Variants in GALNT13 observed in about 807,000 individuals in gnomAD.
The protein encoded by GALNT13 is polypeptide N-acetylgalactosaminyltransferase 13, also known as UDP-GalNAc:polypeptide N-acetylgalactosaminyltransferase 13.
GALNT13 carries 28 observed loss-of-function variants against 64.2 expected under a neutral mutation model. That is an observed-to-expected ratio of 0.44 (90% CI 0.32 to 0.60). The LOEUF (loss-of-function observed/expected upper bound fraction) is 0.60, where lower values mean the gene tolerates loss of function less well. GALNT13 is among the 20% of genes least tolerant of loss of function. GALNT13 has a pLI of 0.05. For missense variants in GALNT13, 577 were observed against 669.8 expected (o/e 0.86, Z 1.53); for synonymous variants, 214 against 224.6 (o/e 0.95, Z 0.42).
chr2:154,286,240 G>T (rs1403355691), intron 8 of GALNT13, among the ~76,000 whole-genome samples: 1 of 152,162 alleles, frequency 6.6e-6, no homozygotes, highest in South Asian at 2.1e-4. Context: ...GGCAAGATTG[G>T]GCATTCTTGT....
chr2:154,257,858 C>T (rs1690465555), intron 7 of GALNT13: 1 of 152,152 alleles, frequency 6.6e-6, no homozygotes, highest in African/African-American at 2.4e-5. Context: ...TTAACAGCCT[C>T]ACAGACTACT....
rs1049265678 is a variant in GALNT13, at chr2:154,053,180, A to G, written c.143-87157A>G. The stretch of plus-strand genomic sequence containing the variant: ...CAAACAACTTTTGACTTGAAATATA[A>G]TAAGAAAGAACACTGAACTTGGAGG... On this transcript the variant is annotated intron_variant, in intron 3 of 12. Coordinates refer to ENST00000392825, the MANE Select transcript of GALNT13 (RefSeq NM_052917.4). 2.6e-5 allele frequency among the ~76,000 whole-genome samples: 4 copies of G among 152,338 alleles called. No individual in the cohort carries two copies. In the East Asian group the frequency reaches 5.8e-4, roughly 22 times the overall value.
chr2:153,712,130 A>AG, the GALNT13 span, among the ~76,000 whole-genome samples: 1 of 152,200 alleles, frequency 6.6e-6, no homozygotes, highest in African/African-American at 2.4e-5. Flanking sequence ...GTAACTAGTC[A>AG]TAAAATTCCT....
the GALNT13 span, among the ~76,000 whole-genome samples, chr2:153,623,038 G>A: frequency 6.6e-6 from 1 of 152,032 alleles, no homozygotes; most frequent in Non-Finnish European, 1.5e-5. Context: ...GCATTGAAAT[G>A]ATATGGATAT....
rs553014505 is a variant in GALNT13 at position 154,020,656 on chromosome 2, T to C, written c.142+76017T>C. Among the ~76,000 whole-genome samples the C allele has an allele frequency of 6.9e-3, 1,038 of 151,446 alleles. 14 individuals carry two copies. The highest frequency in any genetic ancestry group is 0.024 in the African/African-American group (999 of 41,272). On this transcript the variant is annotated intron_variant, in intron 3 of 12. Transcript: ENST00000392825. ...TTTCTCCCATTTTGTAGGTTGCCTG[T>C]TCACTCTGATGGTAGTTTCTTTTGC...
chr2:153,225,447 C>T, the GALNT13 span, among the ~76,000 whole-genome samples: 1 of 152,134 alleles, frequency 6.6e-6, no homozygotes, highest in African/African-American at 2.4e-5. Context: ...GGTTGTCCTC[C>T]TCTCTCACCA....
intron 4 of GALNT13, among the ~76,000 whole-genome samples, chr2:154,152,471 T>G (rs1684104450): frequency 6.6e-6 from 1 of 152,188 alleles, no homozygotes; most frequent in Admixed American, 6.6e-5. Context: ...AATCCAAATG[T>G]TGGCCTGCCT....
intron 3 of GALNT13, among the ~76,000 whole-genome samples, chr2:154,116,263 C>T (rs1385098845): frequency 2.0e-5 from 3 of 152,184 alleles, no homozygotes; most frequent in Non-Finnish European, 4.4e-5. Context: ...TCCCACACAT[C>T]CTCATTCCAA....
chr2:154,277,531 A>G (rs755415251), intron 8 of GALNT13, among the ~76,000 whole-genome samples: 23 of 152,274 alleles, frequency 1.5e-4, no homozygotes, highest in Admixed American at 9.2e-4. Flanking sequence ...AATGTAGTTA[A>G]AAAAGGAAAC....
chr2:153,192,927 ATGT>A, the GALNT13 span, among the ~76,000 whole-genome samples: 1 of 152,086 alleles, frequency 6.6e-6, no homozygotes, highest in African/African-American at 2.4e-5. Flanking sequence ...TTGTTGGATC[ATGT>A]TGTCATCCAT....
At chr2:153,157,767 A>C in the GALNT13 span, among the ~76,000 whole-genome samples, 3 of 152,292 alleles carry the variant, frequency 2.0e-5, no homozygotes, top group Non-Finnish European at 2.9e-5. Flanking sequence ...TAGGAATTAC[A>C]TATTTTCAAA....
chr2:154,250,840 A>C, intron 7 of GALNT13, among the ~76,000 whole-genome samples: 1 of 152,108 alleles, frequency 6.6e-6, no homozygotes, highest in East Asian at 1.9e-4. Context: ...AGCCTTTAAA[A>C]CACTTCTATA....
At chr2:153,859,579 CAAAT>C in the GALNT13 span, among the ~76,000 whole-genome samples, 1 of 151,852 alleles carries the variant, frequency 6.6e-6, no homozygotes, top group African/African-American at 2.4e-5. Context: ...AAAGAGGAAA[CAAAT>C]AAGACAAATA....
the GALNT13 span, among the ~76,000 whole-genome samples, chr2:153,401,101 G>A: frequency 6.6e-6 from 1 of 152,010 alleles, no homozygotes; most frequent in Non-Finnish European, 1.5e-5. Flanking sequence ...CTTTGAATGT[G>A]TCCCAGAGAT....
At chr2:153,894,784 C>T (rs1687784876) in intron 1 of GALNT13, among the ~76,000 whole-genome samples, 1 of 152,070 alleles carries the variant, frequency 6.6e-6, no homozygotes. Context: ...TTCTCTAACA[C>T]AATAACAGAA....
intron 9 of GALNT13, among the ~76,000 whole-genome samples, chr2:154,387,476 T>A (rs1469048820): frequency 1.3e-5 from 2 of 152,114 alleles, no homozygotes; most frequent in African/African-American, 4.8e-5. Flanking sequence ...AAATACACAA[T>A]GCATCGTTGT....
At chr2:153,221,733 C>T in the GALNT13 span, among the ~76,000 whole-genome samples, 4 of 152,084 alleles carry the variant, frequency 2.6e-5, no homozygotes, top group South Asian at 2.1e-4. Context: ...CCAGCCACTG[C>T]GCACAGCCAG....
chr2:153,082,616 TATACAC>T, the GALNT13 span, among the ~76,000 whole-genome samples: 101 of 26,560 alleles, frequency 3.8e-3, no homozygotes, highest in Non-Finnish European at 4.8e-3. Context: ...TATATATATA[TATACAC>T]ACACACACAC....
the GALNT13 span, among the ~76,000 whole-genome samples, chr2:153,481,846 T>C: frequency 6.6e-6 from 1 of 152,160 alleles, no homozygotes; most frequent in African/African-American, 2.4e-5. Flanking sequence ...TTTTGTACAT[T>C]ATGAAAATAT....
Sources: gnomAD v4.1 joint callset for allele counts (sites outside exome capture counted in the v4.1 genomes callset) on GRCh38, gnomAD v4.1.1 for gene constraint, MANE v1.5 for transcripts, NCBI Gene and HGNC (gene_info 2026-07-23, HGNC 2026-07-21) for gene names.